HCN1: variants seen among roughly 807,000 people sequenced by gnomAD.
The protein encoded by HCN1 is potassium/sodium hyperpolarization-activated cyclic nucleotide-gated channel 1.
Under a neutral mutation model 78.9 loss-of-function variants are expected in HCN1, and 13 were observed. That is an observed-to-expected ratio of 0.16 (90% CI 0.11 to 0.26). The LOEUF (loss-of-function observed/expected upper bound fraction) is 0.26, where lower values mean the gene tolerates loss of function less well. Among genes scored for constraint, HCN1 ranks in the 10% least tolerant of loss-of-function variants. The pLI is 1.00. For synonymous variants in HCN1, 552 were observed against 455.5 expected (o/e 1.21, Z -2.70); for missense variants, 810 against 1,154.3 (o/e 0.70, Z 4.32).
intron 5 of HCN1, among the ~76,000 whole-genome samples, chr5:45,321,203 T>C (rs1231345582): frequency 6.6e-6 from 1 of 151,910 alleles, no homozygotes; most frequent in African/African-American, 2.4e-5. Flanking sequence ...TTTATTTTGA[T>C]TACAAATTAG....
chr5:45,616,253 C>G (rs1744947897), intron 2 of HCN1, among the ~76,000 whole-genome samples: 1 of 151,822 alleles, frequency 6.6e-6, no homozygotes, highest in African/African-American at 2.4e-5. Context: ...ATACATGGAG[C>G]ACTTATAATC....
intron 2 of HCN1, among the ~76,000 whole-genome samples, chr5:45,606,982 G>A (rs1744737914): frequency 6.6e-6 from 1 of 151,924 alleles, no homozygotes; most frequent in South Asian, 2.1e-4. Flanking sequence ...TCTGATTTGA[G>A]ATGTTAGAAA....
At chr5:45,415,897 A>G (rs891802379) in intron 3 of HCN1, among the ~76,000 whole-genome samples, 10 of 152,074 alleles carry the variant, frequency 6.6e-5, no homozygotes, top group African/African-American at 2.2e-4. Context: ...AACTGACTTA[A>G]TAACAGTATA....
rs186561178 is a variant in HCN1, at chr5:45,337,926, A to G, written c.1377+15174T>C. On this transcript the variant is annotated intron_variant, in intron 5 of 7. Transcript: ENST00000303230. ...AGATAAATCACCTAATTTTTGCCAC[A>G]AAAGTGAAAATAGGAGAATGCTTTC... 4.5e-4 allele frequency among the ~76,000 whole-genome samples: 69 copies of G among 152,264 alleles called. No homozygotes were observed. The East Asian group carries it at 9.9e-3, about 22-fold the overall frequency.
intron 1 of HCN1, among the ~76,000 whole-genome samples, chr5:45,657,391 C>A (rs1005409347): frequency 6.6e-6 from 1 of 152,124 alleles, no homozygotes; most frequent in Non-Finnish European, 1.5e-5. Flanking sequence ...CTTATTAAAT[C>A]TTTTTTGCTT....
intron 5 of HCN1, among the ~76,000 whole-genome samples, chr5:45,310,488 T>C (rs1398320152): frequency 1.3e-5 from 2 of 152,156 alleles, no homozygotes; most frequent in Non-Finnish European, 2.9e-5. Flanking sequence ...TCAGTCACAA[T>C]GGTTATTATT....
chr5:45,492,519 G>T (rs373526447), intron 2 of HCN1, among the ~76,000 whole-genome samples: 3,396 of 102,084 alleles, frequency 0.033, 104 homozygotes, highest in Non-Finnish European at 0.039. Context: ...CAGTTTTTTT[G>T]TTTTTTTTTT....
chr5:45,549,817 C>A (rs1422124825), intron 2 of HCN1, among the ~76,000 whole-genome samples: 2 of 152,012 alleles, frequency 1.3e-5, no homozygotes, highest in Non-Finnish European at 2.9e-5. Context: ...AGCAAACAAC[C>A]CCATCAAAAA....
chr5:45,491,679 A>T (rs1176360853), intron 2 of HCN1, among the ~76,000 whole-genome samples: 2 of 152,162 alleles, frequency 1.3e-5, no homozygotes, highest in Non-Finnish European at 2.9e-5. Context: ...TTTTCAGTTG[A>T]ATAACGTAAT....
rs1156751102 is a variant in HCN1 at position 45,590,377 on chromosome 5, C to A, written c.849+54808G>T. 2.0e-5 allele frequency among the ~76,000 whole-genome samples: 3 copies of A among 152,224 alleles called. No individual in the cohort carries two copies. In the East Asian group the frequency reaches 5.8e-4, roughly 29 times the overall value. ...CCCATCTACCCACTGCCCTCACACA[C>A]ACATAGCTTCCTCCAACATCAACAT... On this transcript the variant is annotated intron_variant, in intron 2 of 7. Transcript: ENST00000303230.
chr5:45,534,579 T>C (rs568298851), intron 2 of HCN1, among the ~76,000 whole-genome samples: 1 of 152,080 alleles, frequency 6.6e-6, no homozygotes, highest in South Asian at 2.1e-4. Context: ...AGACCAATTG[T>C]TAAGCAATGG....
At chr5:45,492,019 C>G (rs377343104) in intron 2 of HCN1, among the ~76,000 whole-genome samples, 1 of 152,032 alleles carries the variant, frequency 6.6e-6, no homozygotes, top group Admixed American at 6.6e-5. Flanking sequence ...CTTCATTTGT[C>G]CAACCTCATC....
chr5:45,374,998 A>G (rs114541651), intron 4 of HCN1, among the ~76,000 whole-genome samples: 1 of 138,556 alleles, frequency 7.2e-6, no homozygotes, highest in African/African-American at 2.7e-5. Flanking sequence ...TTAAAACAGG[A>G]TCACCATTTG....
At chr5:45,472,032 T>C (rs1246453579) in intron 2 of HCN1, among the ~76,000 whole-genome samples, 1 of 151,936 alleles carries the variant, frequency 6.6e-6, no homozygotes, top group Non-Finnish European at 1.5e-5. Context: ...ACGAAGCCCA[T>C]ATTCTTGGCC....
chr5:45,676,141 T>C, intron 1 of HCN1, among the ~76,000 whole-genome samples: 1 of 151,934 alleles, frequency 6.6e-6, no homozygotes, highest in South Asian at 2.1e-4. Flanking sequence ...ATTCTCATAT[T>C]TATTTTTGAG....
intron 2 of HCN1, among the ~76,000 whole-genome samples, chr5:45,556,761 C>A (rs541084366): frequency 7.2e-5 from 11 of 151,922 alleles, no homozygotes; most frequent in African/African-American, 2.4e-4. Flanking sequence ...CCCTTATATT[C>A]TTTCCCCTCT....
chr5:45,416,240 A>G (rs1740115427), intron 3 of HCN1, among the ~76,000 whole-genome samples: 1 of 151,928 alleles, frequency 6.6e-6, no homozygotes, highest in Non-Finnish European at 1.5e-5. Context: ...GGTAAGCATC[A>G]CTGGCTAGTT....
chr5:45,513,729 C>T (rs1742464268), intron 2 of HCN1, among the ~76,000 whole-genome samples: 1 of 152,132 alleles, frequency 6.6e-6, no homozygotes, highest in Non-Finnish European at 1.5e-5. Flanking sequence ...CAGTTTCATC[C>T]TGAAACCATT....
Position 45,588,711 on chromosome 5 carries a change from G to T in HCN1, c.849+56474C>A, listed in dbSNP as rs1744293766. On this transcript the variant is annotated intron_variant, in intron 2 of 7. Transcript: ENST00000303230. The stretch of plus-strand genomic sequence containing the variant: ...GAGGACTTCACCGACTACTCACCAG[G>T]CTAGATGAGGCCTTTCATACCTGTC... Among the ~76,000 whole-genome samples, 4 of 152,172 alleles carry T rather than the reference G, an allele frequency of 2.6e-5. No homozygotes were observed. In the South Asian group the frequency reaches 8.3e-4, roughly 32 times the overall value.
Sources: allele counts gnomAD v4.1 joint callset (sites outside exome capture counted in the v4.1 genomes callset), GRCh38; gene constraint gnomAD v4.1.1; transcripts MANE v1.5; gene names NCBI Gene and HGNC (gene_info 2026-07-23, HGNC 2026-07-21).